The following ADGRA2 variants were observed in gnomAD, a reference collection of about 807,000 sequenced individuals.
The protein encoded by ADGRA2 is adhesion G protein-coupled receptor A2, also known as G-protein coupled receptor 124.
ADGRA2 carries 61 observed loss-of-function variants against 98.7 expected under a neutral mutation model. That is an observed-to-expected ratio of 0.62 (90% confidence interval 0.50 to 0.76). The LOEUF is 0.76. ADGRA2 is among the 30% of genes least tolerant of loss of function. The probability of loss-of-function intolerance (pLI) is 0.00; values close to 1 mark genes in which losing one functional copy is unlikely to be tolerated. For synonymous variants in ADGRA2, 858 were observed against 831.5 expected, an observed-to-expected ratio of 1.03 and a Z score of -0.55; for missense variants, 1,712 against 1,860.0, an observed-to-expected ratio of 0.92 and a Z score of 1.46.
In ADGRA2 at chr8:37,830,801, C is replaced by A; in HGVS notation, c.810C>A (p.Ala270=). The change falls in exon 7 of 19, where the codon GCC becomes GCA. Residue 270 remains alanine (A), a synonymous_variant. Transcript: ENST00000412232. This position sits in a 1 kb window ranked among gnomAD's most constrained non-coding sequence, Gnocchi z 4.8. ...QGDRLPFQCS[A]SYLGNDTRIR... ...ATCGGCTGCCCTTCCAGTGCTCTGC[C>A]AGCTACCTGGGCAACGACACCCGCA... 1 of 1,593,724 alleles carries A rather than the reference C, an allele frequency of 6.3e-7. No homozygotes were observed.
rs946581341 is a variant in ADGRA2, at chr8:37,797,781, C to T, written c.266+247C>T. 5.3e-5 allele frequency among the ~76,000 whole-genome samples: 8 copies of T among 152,204 alleles called. No homozygotes were observed. Among genetic ancestry groups the T allele is most frequent in the Non-Finnish European group, 7.4e-5 (5 of 68,026 alleles). On this transcript the variant is annotated intron_variant, in intron 1 of 18. Transcript: ENST00000412232. The surrounding 1 kb of genome is among the most constrained non-coding windows in gnomAD (Gnocchi z 5.3). ...CCCAGAGAAAGGCACCGCAGGCGCC[C>T]ACTCACCTGCACAGGTGAAGTGGAG... is the stretch of plus-strand genomic sequence containing the variant.
chr8:37,840,282 T>C lies in ADGRA2; in HGVS notation c.2657+16T>C, dbSNP rs1420248625. 1.2e-6 allele frequency: 2 copies of C among 1,610,062 alleles called. No homozygotes were observed. Among genetic ancestry groups the C allele is most frequent in the Non-Finnish European group, 8.5e-7 (1 of 1,179,872 alleles). ...CTATGCTCCGGTACATACTTTCAAT[T>C]CCAGCTTTGCAATTGGGGAGGGACT... On this transcript the variant is annotated intron_variant, in intron 17 of 18. Coordinates refer to ENST00000412232, the MANE Select transcript of ADGRA2 (RefSeq NM_032777.10).
At chr8:37,838,428 T>C (rs573838907) in intron 14 of ADGRA2, among the ~76,000 whole-genome samples, 1 of 152,150 alleles carries the variant, frequency 6.6e-6, no homozygotes, top group Admixed American at 6.5e-5. Context: ...ATTTTTTGTA[T>C]TTTTAGTAGA....
In ADGRA2 at chr8:37,835,547, C is replaced by G. The variant is rs1008255852; in HGVS notation, c.1834-7C>G. 6.3e-7 allele frequency: 1 copy of G among 1,588,942 alleles called. No homozygotes were observed. Among genetic ancestry groups the G allele is most frequent in the Non-Finnish European group, 8.6e-7 (1 of 1,157,314 alleles). On this transcript the variant is annotated splice_polypyrimidine_tract_variant and splice_region_variant and intron_variant, in intron 12 of 18. Coordinates refer to ENST00000412232, the MANE Select transcript of ADGRA2 (RefSeq NM_032777.10). The stretch of plus-strand genomic sequence containing the variant: ...GGTGTCTCTGAGGAGCTCCTATGTC[C>G]CCCCAGAACAGCGTGGCCCTGGCCT...
intron 1 of ADGRA2, among the ~76,000 whole-genome samples, chr8:37,804,039 C>A (rs1427678725): frequency 6.6e-6 from 1 of 150,486 alleles, no homozygotes; most frequent in African/African-American, 2.4e-5. Flanking sequence ...GAAAGACCAT[C>A]AAAGATAAGA....
chr8:37,815,007 C>T lies in ADGRA2; in HGVS notation c.338+40C>T, dbSNP rs758198077. ...AGGTGAGGTGGAGGAGGGGGGTGGC[C>T]GTGATGGCAAGAGGTCACCCCGGGG... On this transcript the variant is annotated intron_variant, in intron 2 of 18. Transcript: ENST00000412232. The T allele has an allele frequency of 2.6e-5, 36 of 1,403,554 alleles. 1 individual carries two copies. Among genetic ancestry groups the T allele is most frequent in the South Asian group, 2.5e-4 (22 of 86,800 alleles). 86.9% of individuals were successfully genotyped at this position (1,403,554 alleles called of 1,614,324 possible). A position where few individuals can be genotyped will look rare whatever the true frequency, so the allele number is the denominator to read the frequency against.
At position 37,830,889 on chromosome 8, in the gene ADGRA2, G is replaced by A. The variant is rs777378349; in HGVS notation, c.898G>A (p.Glu300Lys). The change falls in exon 7 of 19, where the codon GAG becomes AAG. Residue 300 changes from glutamate (E) to lysine (K), a missense_variant. By Grantham distance (56) the Glu-to-Lys change is moderately conservative (BLOSUM62 1). Transcript: ENST00000412232. The surrounding 1 kb of genome is among the most constrained non-coding windows in gnomAD (Gnocchi z 4.8). ...GDEQAGILLA[E>K]SLIHDCTFIT... ...TGAGCAGGCGGGCATCCTCCTGGCC[G>A]AGAGCCTCATCCACGACTGCACCTT... The A allele has an allele frequency of 1.4e-5, 22 of 1,587,990 alleles. No individual in the cohort carries two copies. The highest frequency in any genetic ancestry group is 1.6e-5 in the Non-Finnish European group (19 of 1,167,036).
rs768065201 is a variant in ADGRA2, at chr8:37,841,623, G to A, written c.3285G>A (p.Pro1095=). 6.5e-6 allele frequency: 10 copies of A among 1,534,906 alleles called. No individual in the cohort carries two copies. Among genetic ancestry groups the A allele is most frequent in the Middle Eastern group, 2.2e-4 (1 of 4,446 alleles). The change falls in exon 19 of 19, where the codon CCG becomes CCA. Residue 1095 remains proline, a synonymous_variant. Transcript: ENST00000412232. The surrounding 1 kb of genome is among the most constrained non-coding windows in gnomAD (Gnocchi z 5.0). ...PPASPAAPHA[P]PRALPAAAED... ...CCTCTCCCGCGGCCCCCCATGCCCCGCCCCGGGCCCTGCCCGCCGCCGCAG... is the reference window on the plus strand; with the variant it reads ...CCTCTCCCGCGGCCCCCCATGCCCCACCCCGGGCCCTGCCCGCCGCCGCAG...
chr8:37,833,798 G>C lies in ADGRA2; in HGVS notation c.1407G>C (p.Met469Ile). Residue 469 changes from methionine to isoleucine, a missense_variant, in exon 10 of 19, where the codon ATG becomes ATC. Physicochemically the swap from Met to Ile is conservative, Grantham distance 10. Transcript: ENST00000412232. ...DMMDVVYVAQ[M>I]IQKFLGYVDQ... ...TGGATGTAGTCTATGTGGCTCAGAT[G>C]ATCCAGAAATTTTTGGGTTATGTCG... The C allele has an allele frequency of 6.2e-7, 1 of 1,614,206 alleles. No individual in the cohort carries two copies. Among genetic ancestry groups the C allele is most frequent in the Admixed American group, 1.7e-5 (1 of 60,022 alleles).
intron 2 of ADGRA2, among the ~76,000 whole-genome samples, chr8:37,818,082 G>A (rs1456000707): frequency 6.6e-6 from 1 of 152,186 alleles, no homozygotes; most frequent in African/African-American, 2.4e-5. Flanking sequence ...AGGGAAAGCA[G>A]CTAAGCATTC....
intron 1 of ADGRA2, among the ~76,000 whole-genome samples, chr8:37,807,069 G>A (rs1182113468): frequency 6.6e-6 from 1 of 152,202 alleles, no homozygotes; most frequent in Non-Finnish European, 1.5e-5. Flanking sequence ...GGACAGCCCA[G>A]CTTCCAGGCT....
At position 37,829,329 on chromosome 8, in the gene ADGRA2, G is replaced by C; in HGVS notation, c.479G>C (p.Arg160Pro). The C allele has an allele frequency of 6.2e-7, 1 of 1,612,044 alleles. No homozygotes were observed. Among genetic ancestry groups the C allele is most frequent in the Non-Finnish European group, 8.5e-7 (1 of 1,178,532 alleles). The change falls in exon 4 of 19, where the codon CGA becomes CCA. Residue 160 changes from arginine to proline, a missense_variant. By Grantham distance (103) the Arg-to-Pro change is moderately radical. Coordinates refer to ENST00000412232, the MANE Select transcript of ADGRA2 (RefSeq NM_032777.10). Reference sequence around the variant, plus strand: ...TTCCAGGGCCTCCCCAGGCTTCTCCGACTGTAAGTGATGGGGTGAGAAGTG... The same window carrying C: ...TTCCAGGGCCTCCCCAGGCTTCTCCCACTGTAAGTGATGGGGTGAGAAGTG... ...ETFQGLPRLL[R>P]LNISGNIFSS... is the part of the protein sequence containing the mutation.
At position 37,827,394 on chromosome 8, in the gene ADGRA2, C is replaced by G. The variant is rs139351233; in HGVS notation, c.339-1494C>G. Among the ~76,000 whole-genome samples, 811 of 152,362 alleles carry G rather than the reference C, an allele frequency of 5.3e-3. 7 individuals carry two copies. The highest frequency in any genetic ancestry group is 0.031 in the Middle Eastern group (9 of 294). ...GGTGTGGGGTTAGGGCAGGCAGATA[C>G]CCAGCAGGTCGCCTGTGGGTGGGCA... On this transcript the variant is annotated intron_variant, in intron 2 of 18. Transcript: ENST00000412232.
At position 37,814,033 on chromosome 8, in the gene ADGRA2, G is replaced by A. The variant is rs1250185583; in HGVS notation, c.267-863G>A. 6.6e-6 allele frequency among the ~76,000 whole-genome samples: 1 copy of A among 152,224 alleles called. No individual in the cohort carries two copies. Among genetic ancestry groups the A allele is most frequent in the Non-Finnish European group, 1.5e-5 (1 of 68,038 alleles). On this transcript the variant is annotated intron_variant, in intron 1 of 18. Coordinates refer to ENST00000412232, the MANE Select transcript of ADGRA2 (RefSeq NM_032777.10). The surrounding 1 kb of genome is among the most constrained non-coding windows in gnomAD (Gnocchi z 4.3). ...GGGAGACCCTTTGCCTCAGCCCAGG[G>A]CAGGCAAGAGTTTGGGCGGAGAGGC...
At chr8:37,803,358 A>G (rs1409486290) in intron 1 of ADGRA2, among the ~76,000 whole-genome samples, 1 of 152,092 alleles carries the variant, frequency 6.6e-6, no homozygotes, top group African/African-American at 2.4e-5. Context: ...CCATCACCCC[A>G]GAGGTAGAGG....
chr8:37,838,504 C>T (rs1585406872), intron 14 of ADGRA2, among the ~76,000 whole-genome samples: 2 of 152,270 alleles, frequency 1.3e-5, no homozygotes, highest in African/African-American at 4.8e-5. Context: ...CCGCCCGCCT[C>T]AGCCTCCCAA....
chr8:37,842,143 G>C lies in ADGRA2; in HGVS notation c.3805G>C (p.Ala1269Pro), dbSNP rs1805822295. The C allele has an allele frequency of 6.7e-7, 1 of 1,501,280 alleles. No individual in the cohort carries two copies. The highest frequency in any genetic ancestry group is 1.4e-5 in the African/African-American group (1 of 69,140). 93.0% of individuals were successfully genotyped at this position (1,501,280 alleles called of 1,614,324 possible). ...SAAPLSEAGR[A>P]GQRRSASRDS... ...CGCGCCGCTTTCTGAGGCGGGCCGG[G>C]CAGGCCAGCGCCGCAGCGCCAGCCG... The change falls in exon 19 of 19, where the codon GCA (alanine) becomes CCA (proline). Residue 1269 changes from alanine (A) to proline (P), a missense_variant. By Grantham distance (27) the Ala-to-Pro change is conservative. Transcript: ENST00000412232.
At position 37,811,474 on chromosome 8, in the gene ADGRA2, C is replaced by CTTTTTTT. The variant is rs34759771; in HGVS notation, c.267-3410_267-3404dup. 5.9e-3 allele frequency among the ~76,000 whole-genome samples: 659 copies of CTTTTTTT among 112,142 alleles called. 8 individuals are homozygous for CTTTTTTT. Among genetic ancestry groups the CTTTTTTT allele is most frequent in the African/African-American group, 0.022 (643 of 28,844 alleles). The allele number at this position is 112,142 out of a possible 152,430, so 73.6% of individuals were successfully genotyped here. ...GATGTAAACCACTGCACCCAGCCAA[C>CTTTTTTT]TTTTTTTTTTTTTTTTTTGGCAACA... On this transcript the variant is annotated intron_variant, in intron 1 of 18. Transcript: ENST00000412232.
chr8:37,824,317 T>C (rs928407129), intron 2 of ADGRA2, among the ~76,000 whole-genome samples: 9 of 151,762 alleles, frequency 5.9e-5, no homozygotes, highest in South Asian at 2.1e-4. Flanking sequence ...GCATGAGCCA[T>C]CATGCCCAGC....
Sources: gnomAD v4.1 joint callset for allele counts (sites outside exome capture counted in the v4.1 genomes callset) on GRCh38, gnomAD v4.1.1 for gene constraint, Gnocchi (gnomAD v3.1) non-coding constraint, MANE v1.5 for transcripts, NCBI Gene and HGNC (gene_info 2026-07-23, HGNC 2026-07-21) for gene names.